SND1: variants seen among roughly 807,000 people sequenced by gnomAD.
SND1 encodes staphylococcal nuclease and tudor domain containing 1.
In SND1, 38 loss-of-function variants were observed where a neutral mutation model predicts 121.7. The observed-to-expected ratio is 0.31, with a 90% CI of 0.24 to 0.41. The LOEUF (loss-of-function observed/expected upper bound fraction) is 0.41, where lower values mean the gene tolerates loss of function less well. Ranked by LOEUF, SND1 falls within the 10% of genes least tolerant of loss-of-function variation. SND1 has a pLI of 1.00. For synonymous variants in SND1, 401 were observed against 447.4 expected (o/e 0.90, Z 1.31); for missense variants, 868 against 1,184.6 (o/e 0.73, Z 3.92).
At chr7:127,836,249 T>C (rs1413247330) in intron 11 of SND1, among the ~76,000 whole-genome samples, 2 of 152,216 alleles carry the variant, frequency 1.3e-5, no homozygotes, top group African/African-American at 2.4e-5. Flanking sequence ...AAGAACACTT[T>C]CTAAATGTGT....
intron 16 of SND1, among the ~76,000 whole-genome samples, chr7:128,057,218 G>T (rs1793157642): frequency 6.6e-6 from 1 of 152,194 alleles, no homozygotes; most frequent in African/African-American, 2.4e-5. Context: ...ATACTCTGTG[G>T]TGCACAACTG....
intron 10 of SND1, among the ~76,000 whole-genome samples, chr7:127,785,313 T>C (rs1237759781): frequency 2.0e-5 from 3 of 152,210 alleles, no homozygotes; most frequent in Admixed American, 1.3e-4. Context: ...CATGAAGCCC[T>C]CCTCCAAGAT....
intron 12 of SND1, among the ~76,000 whole-genome samples, chr7:127,869,042 A>G (rs113237190): frequency 0.026 from 3,901 of 152,262 alleles, 86 homozygotes; most frequent in Non-Finnish European, 0.037. Context: ...AGGTGATGAA[A>G]AGTGCTATAG....
At chr7:127,741,230 C>G (rs1796876318) in intron 10 of SND1, among the ~76,000 whole-genome samples, 1 of 152,148 alleles carries the variant, frequency 6.6e-6, no homozygotes, top group South Asian at 2.1e-4. Flanking sequence ...GTAACATAAT[C>G]AGGATACTTA....
intron 16 of SND1, among the ~76,000 whole-genome samples, chr7:128,018,543 T>C (rs765957945): frequency 1.3e-5 from 2 of 152,196 alleles, no homozygotes; most frequent in Non-Finnish European, 2.9e-5. Context: ...CTGAGGAACA[T>C]TACCCTGCCG....
intron 1 of SND1, among the ~76,000 whole-genome samples, chr7:127,657,264 A>AGCAT (rs1169068581): frequency 1.3e-5 from 2 of 152,226 alleles, no homozygotes; most frequent in African/African-American, 4.8e-5. Flanking sequence ...ACAAGAAATA[A>AGCAT]GCATGATCAT....
intron 16 of SND1, among the ~76,000 whole-genome samples, chr7:128,071,164 T>C (rs1167505303): frequency 6.6e-6 from 1 of 152,218 alleles, no homozygotes; most frequent in Non-Finnish European, 1.5e-5. Context: ...AGAAGATACA[T>C]GTGTTAGATA....
chr7:128,026,086 C>T (rs892130202), intron 16 of SND1, among the ~76,000 whole-genome samples: 8 of 152,064 alleles, frequency 5.3e-5, no homozygotes, highest in African/African-American at 9.7e-5. Context: ...CAACTTCCTC[C>T]GCAATTTCCT....
intron 10 of SND1, among the ~76,000 whole-genome samples, 178 bp from the exon 11 acceptor site, chr7:127,807,293 AAAAAGGTAGCCCT>A (rs1798254451): frequency 6.6e-6 from 1 of 152,246 alleles, no homozygotes; most frequent in Non-Finnish European, 1.5e-5. Context: ...CTGTTATGTG[AAAAAGGTAGCCCT>A]ATTCTCAGTA....
intron 12 of SND1, among the ~76,000 whole-genome samples, chr7:127,886,154 G>C (rs1038452107): frequency 2.0e-5 from 3 of 152,090 alleles, no homozygotes; most frequent in Non-Finnish European, 4.4e-5. Flanking sequence ...TGTGGGAGTG[G>C]ATTTTGAGAA....
chr7:127,770,916 A>G (rs1797501848), intron 10 of SND1, among the ~76,000 whole-genome samples: 5 of 152,160 alleles, frequency 3.3e-5, no homozygotes, highest in Admixed American at 3.3e-4. Flanking sequence ...AAAGCAAGAG[A>G]GTGTGCTAAT....
chr7:127,916,902 G>C (rs1457596203), intron 14 of SND1, among the ~76,000 whole-genome samples: 1 of 152,134 alleles, frequency 6.6e-6, no homozygotes, highest in East Asian at 1.9e-4. Flanking sequence ...TAGTTTTTAG[G>C]AGTTTCGTAA....
At chr7:128,033,732 A>C (rs1308059754) in intron 16 of SND1, among the ~76,000 whole-genome samples, 1 of 152,152 alleles carries the variant, frequency 6.6e-6, no homozygotes, top group Non-Finnish European at 1.5e-5. Context: ...TTCCACTGCA[A>C]CCCTATTATT....
intron 10 of SND1, among the ~76,000 whole-genome samples, chr7:127,766,116 C>T (rs1310273128): frequency 1.3e-5 from 2 of 152,118 alleles, no homozygotes; most frequent in Non-Finnish European, 2.9e-5. Context: ...TTTGTTGCCC[C>T]TTCCATCCTT....
Position 127,940,603 on chromosome 7 carries a change from A to G in SND1, c.1669+11274A>G, listed in dbSNP as rs140630971. Among the ~76,000 whole-genome samples, 4 of 152,114 alleles carry G rather than the reference A, an allele frequency of 2.6e-5. No homozygotes were observed. In the East Asian group the frequency reaches 5.8e-4, roughly 22 times the overall value. On this transcript the variant is annotated intron_variant, in intron 15 of 23. Coordinates refer to ENST00000354725, the MANE Select transcript of SND1 (RefSeq NM_014390.4). ...ATGGAAACTACCTCACAAATCTCCC[A>G]CCCCTTTCAACCAGATTTGACTGGG... is the stretch of plus-strand genomic sequence containing the variant.
At chr7:127,744,248 T>TC (rs149103601) in intron 10 of SND1, among the ~76,000 whole-genome samples, 172 of 152,028 alleles carry the variant, frequency 1.1e-3, no homozygotes, top group Non-Finnish European at 2.0e-3. Context: ...TTAATTTTTT[T>TC]CCCCCCCGTT....
intron 10 of SND1, among the ~76,000 whole-genome samples, chr7:127,786,704 C>T (rs55679923): frequency 0.012 from 1,818 of 152,192 alleles, 26 homozygotes; most frequent in South Asian, 0.048. Flanking sequence ...AGTGCAGTGG[C>T]GCGATCTCGA....
At chr7:127,997,911 C>T in intron 16 of SND1, 2 of 534,794 alleles carry the variant, frequency 3.7e-6, no homozygotes, top group South Asian at 1.4e-5. Context: ...TTCCCTTGCT[C>T]TCCCAGGCTA....
intron 10 of SND1, among the ~76,000 whole-genome samples, chr7:127,728,557 C>A (rs1425558865): frequency 6.6e-6 from 1 of 152,210 alleles, no homozygotes; most frequent in Non-Finnish European, 1.5e-5. Context: ...CCAGAGACTT[C>A]CATACACACC....
Sources: allele counts gnomAD v4.1 joint callset (sites outside exome capture counted in the v4.1 genomes callset), GRCh38; gene constraint gnomAD v4.1.1; transcripts MANE v1.5; gene names NCBI Gene and HGNC (gene_info 2026-07-23, HGNC 2026-07-21).